The following EPB41L3 variants were observed in gnomAD, a reference collection of about 807,000 sequenced individuals.
EPB41L3 encodes band 4.1-like protein 3.
In EPB41L3, 57 loss-of-function variants were observed where a neutral mutation model predicts 127.1. That is an observed-to-expected ratio of 0.45 (90% CI 0.36 to 0.56). The LOEUF (loss-of-function observed/expected upper bound fraction) is 0.56, where lower values mean the gene tolerates loss of function less well. Among genes scored for constraint, EPB41L3 ranks in the 20% least tolerant of loss-of-function variants. The pLI, the probability that EPB41L3 is intolerant of heterozygous loss-of-function variation, is 0.00. For synonymous variants in EPB41L3, 572 were observed against 549.5 expected, an observed-to-expected ratio of 1.04 and a Z score of -0.57; for missense variants, 1,273 against 1,372.2, an observed-to-expected ratio of 0.93 and a Z score of 1.14.
chr18:5,416,052 A>G lies in EPB41L3; in HGVS notation c.1833T>C (p.Leu611=). 1 of 1,613,742 alleles carries G rather than the reference A, an allele frequency of 6.2e-7. No homozygotes were observed. The highest frequency in any genetic ancestry group is 8.5e-7 in the Non-Finnish European group (1 of 1,179,790). ...DDDGYLSFPN[L]SETNLLPQSL... ...TCTGGGGCAGGAGGTTGGTTTCAGA[A>G]AGGTTGGGGAAAGAGAGGTATCCAT... The change falls in exon 13 of 23, where the codon CTT becomes CTC. Residue 611 remains leucine, a synonymous_variant. Transcript: ENST00000341928.
chr18:5,531,549 C>A (rs1598720175), intron 1 of EPB41L3, among the ~76,000 whole-genome samples: 1 of 151,740 alleles, frequency 6.6e-6, no homozygotes, highest in Non-Finnish European at 1.5e-5. Context: ...ATGGTAAAAC[C>A]CTGTCTCTAC....
chr18:5,585,388 C>CT (rs1350649013), intron 3 of EPB41L3, among the ~76,000 whole-genome samples: 1 of 152,118 alleles, frequency 6.6e-6, no homozygotes, highest in Non-Finnish European at 1.5e-5. Flanking sequence ...ACTAGTAACT[C>CT]TGACTCCTGG....
At chr18:5,417,378 AG>A (rs1428555901) in intron 12 of EPB41L3, among the ~76,000 whole-genome samples, 1 of 152,156 alleles carries the variant, frequency 6.6e-6, no homozygotes, top group Non-Finnish European at 1.5e-5. Context: ...CTCCACGACC[AG>A]GGCCAGTTTC....
rs116099753 is a variant in EPB41L3, at chr18:5,621,611, T to A, written c.-467-7188A>T. On this transcript the variant is annotated intron_variant, in intron 1 of 21. Transcript: ENST00000545076. Reference sequence around the variant, plus strand: ...AAAAAAATAGCGAGATATGGTGGCATGTGCCTGTGGTCTCAGCTATTCGGG... The same window carrying A: ...AAAAAAATAGCGAGATATGGTGGCAAGTGCCTGTGGTCTCAGCTATTCGGG... 6.8e-3 allele frequency among the ~76,000 whole-genome samples: 1,032 copies of A among 152,226 alleles called. 9 individuals are homozygous for A. Among genetic ancestry groups the A allele is most frequent in the African/African-American group, 0.024 (986 of 41,532 alleles).
chr18:5,454,860 A>T (rs2082796825), intron 3 of EPB41L3, among the ~76,000 whole-genome samples: 2 of 152,238 alleles, frequency 1.3e-5, no homozygotes, highest in African/African-American at 4.8e-5. Flanking sequence ...TAGAGATGAG[A>T]ATTCATCTGG....
At chr18:5,398,324 T>G in intron 16 of EPB41L3, 181 bp from the exon 17 acceptor site, 1 of 709,748 alleles carries the variant, frequency 1.4e-6, no homozygotes, top group Non-Finnish European at 2.3e-6. Flanking sequence ...CAGGTGCTCT[T>G]GTTTGGTAAA....
rs371273236 is a variant in EPB41L3, at chr18:5,428,482, A to C, written c.913-17T>G. On this transcript the variant is annotated splice_polypyrimidine_tract_variant and intron_variant, in intron 8 of 22. Coordinates refer to ENST00000341928, the MANE Select transcript of EPB41L3 (RefSeq NM_012307.5). The stretch of plus-strand genomic sequence containing the variant: ...TTCTGAGTCCTGGAAAATAAAAGCA[A>C]GAAACAACAGATCAGTATCTAACTT... 57 of 1,614,052 alleles carry C rather than the reference A, an allele frequency of 3.5e-5. No individual in the cohort carries two copies. In the African/African-American group the frequency reaches 5.9e-4, roughly 17 times the overall value.
intron 3 of EPB41L3, among the ~76,000 whole-genome samples, chr18:5,448,610 A>T (rs1017127546): frequency 6.6e-5 from 10 of 152,132 alleles, no homozygotes; most frequent in Admixed American, 1.3e-4. Flanking sequence ...TATATTTTTT[A>T]AAAAAATGGA....
At chr18:5,538,397 T>C (rs1207403152) in intron 1 of EPB41L3, among the ~76,000 whole-genome samples, 5 of 152,344 alleles carry the variant, frequency 3.3e-5, no homozygotes, top group Non-Finnish European at 2.9e-5. Context: ...ATGAATTAAG[T>C]TGCCAGCTTT....
At chr18:5,586,450 A>G (rs1199096396) in intron 3 of EPB41L3, among the ~76,000 whole-genome samples, 2 of 147,970 alleles carry the variant, frequency 1.4e-5, no homozygotes, top group Admixed American at 1.4e-4. Flanking sequence ...TGCAGGTTGG[A>G]GTGCAGTGGC....
intron 1 of EPB41L3, among the ~76,000 whole-genome samples, chr18:5,536,875 A>G (rs1246241462): frequency 6.6e-6 from 1 of 152,208 alleles, no homozygotes; most frequent in Non-Finnish European, 1.5e-5. Context: ...ATGGTTACAT[A>G]GAAGTATTTA....
At chr18:5,504,077 T>C (rs926165288) in intron 1 of EPB41L3, among the ~76,000 whole-genome samples, 5 of 152,084 alleles carry the variant, frequency 3.3e-5, no homozygotes, top group Admixed American at 6.5e-5. Flanking sequence ...TTGAGGAGAA[T>C]AGGAGAGAAA....
intron 16 of EPB41L3, among the ~76,000 whole-genome samples, chr18:5,403,490 AACT>A (rs2074846130): frequency 6.6e-6 from 1 of 152,046 alleles, no homozygotes; most frequent in South Asian, 2.1e-4. Flanking sequence ...ATAACAATTT[AACT>A]ACTATAGATA....
intron 3 of EPB41L3, among the ~76,000 whole-genome samples, chr18:5,554,419 G>A (rs2094006072): frequency 6.6e-6 from 1 of 152,192 alleles, no homozygotes; most frequent in Admixed American, 6.5e-5. Flanking sequence ...TGAAGAATTA[G>A]CTTGCCCAGG....
chr18:5,444,998 C>T (rs1392612149), intron 4 of EPB41L3, 142 bp downstream of exon 4: 1 of 590,610 alleles, frequency 1.7e-6, no homozygotes, highest in African/African-American at 1.9e-5. Context: ...AGATGATTAA[C>T]AGCATTTACA....
chr18:5,456,755 C>T (rs1345896270), intron 3 of EPB41L3, among the ~76,000 whole-genome samples: 3 of 152,236 alleles, frequency 2.0e-5, no homozygotes, highest in Admixed American at 1.3e-4. Context: ...TGGCTTAATA[C>T]TGCGTGAACC....
chr18:5,409,187 A>G (rs866965015), intron 14 of EPB41L3, among the ~76,000 whole-genome samples: 13 of 152,206 alleles, frequency 8.5e-5, no homozygotes, highest in Admixed American at 1.3e-4. Flanking sequence ...TCTTCAGTGC[A>G]TAGGGGGTTC....
At chr18:5,443,544 A>G (rs553023779) in intron 5 of EPB41L3, among the ~76,000 whole-genome samples, 2 of 152,362 alleles carry the variant, frequency 1.3e-5, no homozygotes, top group East Asian at 3.9e-4. Context: ...GACTGTTGGA[A>G]CATTAATAAT....
At chr18:5,615,086 C>G (rs1330785970) in intron 1 of EPB41L3, among the ~76,000 whole-genome samples, 1 of 152,108 alleles carries the variant, frequency 6.6e-6, no homozygotes, top group Non-Finnish European at 1.5e-5. Flanking sequence ...GTTAGAACCT[C>G]CCATCAAGAC....
Sources: allele counts gnomAD v4.1 joint callset (sites outside exome capture counted in the v4.1 genomes callset), GRCh38; gene constraint gnomAD v4.1.1; transcripts MANE v1.5; gene names NCBI Gene and HGNC (gene_info 2026-07-23, HGNC 2026-07-21).